Variants in IQCJ observed in about 807,000 individuals in gnomAD.
The protein encoded by IQCJ is IQ motif containing J, also known as IQ domain-containing protein J.
In IQCJ, 9 loss-of-function variants were observed where a neutral mutation model predicts 11.0. That is an observed-to-expected ratio of 0.82 (90% CI 0.49 to 1.43). IQCJ has a LOEUF of 1.43. Ranked by LOEUF, IQCJ falls within the 40% of genes most tolerant of loss-of-function variation. The pLI is 0.00. For synonymous variants in IQCJ, 55 were observed against 51.3 expected (o/e 1.07, Z -0.31); for missense variants, 146 against 133.2 (o/e 1.10, Z -0.47).
rs371146887 is a variant in IQCJ at position 159,089,540 on chromosome 3, G to A, written c.9+20099G>A. ...TTTCCAGCTTGGTTCCATTCTCCCC[G>A]TCACTTTCAGGTACACCAATCAGAT... On this transcript the variant is annotated intron_variant, in intron 1 of 3. Transcript: ENST00000397832. 7.3e-3 allele frequency among the ~76,000 whole-genome samples: 1,115 copies of A among 151,888 alleles called. 42 individuals carry two copies. The highest frequency in any genetic ancestry group is 0.025 in the African/African-American group (1,023 of 41,174).
intron 1 of IQCJ, among the ~76,000 whole-genome samples, chr3:159,199,134 AC>A (rs1433772817): frequency 1.4e-4 from 21 of 152,284 alleles, no homozygotes; most frequent in African/African-American, 4.6e-4. Flanking sequence ...TGGTTTTGAT[AC>A]CTTAATCTTC....
Position 159,186,143 on chromosome 3 carries a change from G to A in IQCJ, c.10-59700G>A, listed in dbSNP as rs144761604. 3.3e-5 allele frequency among the ~76,000 whole-genome samples: 5 copies of A among 152,318 alleles called. No individual in the cohort carries two copies. The East Asian group carries it at 9.6e-4, about 29-fold the overall frequency. On this transcript the variant is annotated intron_variant, in intron 1 of 3. Coordinates refer to ENST00000397832, the MANE Select transcript of IQCJ (RefSeq NM_001042706.3). ...AACAGTTAAGCAAATAAATGCTACA[G>A]TGAAGGTTGACTTAGTGAGGGATGA...
rs1715379085 is a variant in IQCJ, at chr3:159,069,375, A to AGT, written c.-54_-53dup. The AGT allele has an allele frequency of 6.3e-7, 1 of 1,585,822 alleles. No individual in the cohort carries two copies. Among genetic ancestry groups the AGT allele is most frequent in the Admixed American group, 1.9e-5 (1 of 53,624 alleles). On this transcript the variant is annotated 5_prime_UTR_variant, in exon 1 of 4. Transcript: ENST00000397832. Reference sequence around the variant, plus strand: ...TGCGCTCTGTGATTCTGAGGAATACAGTGTGCCAGCATCCGATCCAGTCTC... The same window carrying AGT: ...TGCGCTCTGTGATTCTGAGGAATACAGTGTGTGCCAGCATCCGATCCAGTCTC...
intron 1 of IQCJ, among the ~76,000 whole-genome samples, chr3:159,219,422 C>T (rs760146327): frequency 1.3e-5 from 2 of 152,104 alleles, no homozygotes; most frequent in African/African-American, 2.4e-5. Context: ...AAGTTACTGG[C>T]CGCCTTCTCT....
intron 1 of IQCJ, among the ~76,000 whole-genome samples, chr3:159,142,989 C>T (rs974886383): frequency 2.2e-4 from 33 of 152,036 alleles, no homozygotes; most frequent in Admixed American, 1.8e-3. Context: ...TTATCATGCC[C>T]AAAATAATTT....
intron 1 of IQCJ, among the ~76,000 whole-genome samples, chr3:159,077,619 T>C (rs1716010961): frequency 6.6e-6 from 1 of 152,130 alleles, no homozygotes; most frequent in African/African-American, 2.4e-5. Flanking sequence ...TGAATGATAC[T>C]GTGTTAAAAA....
At chr3:159,227,607 G>A (rs1725933160) in intron 1 of IQCJ, among the ~76,000 whole-genome samples, 1 of 152,156 alleles carries the variant, frequency 6.6e-6, no homozygotes, top group South Asian at 2.1e-4. Context: ...AGCCAGGTCT[G>A]GAATGGACTC....
At chr3:159,228,187 G>A (rs1337925259) in intron 1 of IQCJ, among the ~76,000 whole-genome samples, 1 of 152,170 alleles carries the variant, frequency 6.6e-6, no homozygotes, top group East Asian at 1.9e-4. Context: ...TGAGCACATA[G>A]AGATTACATG....
At chr3:159,238,742 C>G (rs2108173991) in intron 1 of IQCJ, among the ~76,000 whole-genome samples, 1 of 152,250 alleles carries the variant, frequency 6.6e-6, no homozygotes, top group East Asian at 1.9e-4. Flanking sequence ...TGGTGTGGAT[C>G]AGTAGAAGAG....
At chr3:159,077,817 T>G (rs1299127837) in intron 1 of IQCJ, among the ~76,000 whole-genome samples, 1 of 152,144 alleles carries the variant, frequency 6.6e-6, no homozygotes. Context: ...AAAAAAGTTA[T>G]TTTTAAAAAT....
chr3:159,225,687 C>G (rs1403099591), intron 1 of IQCJ, among the ~76,000 whole-genome samples: 1 of 152,032 alleles, frequency 6.6e-6, no homozygotes, highest in Admixed American at 6.6e-5. Flanking sequence ...AAGAAATTCT[C>G]CAGTTCTCTG....
Position 159,072,186 on chromosome 3 carries a change from G to GT in IQCJ, c.9+2751dup, listed in dbSNP as rs1258407622. Among the ~76,000 whole-genome samples the GT allele has an allele frequency of 7.9e-5, 12 of 152,062 alleles. No individual in the cohort carries two copies. The East Asian group carries it at 2.1e-3, about 27-fold the overall frequency. On this transcript the variant is annotated intron_variant, in intron 1 of 3. Coordinates refer to ENST00000397832, the MANE Select transcript of IQCJ (RefSeq NM_001042706.3). ...GTTTGAGAATTGCATTGGATTTTTT[G>GT]TTTTTTGTACTACTTAGTTTCAAAA...
rs553616977 is a variant in IQCJ at position 159,261,645 on chromosome 3, C to T, written c.156-903C>T. On this transcript the variant is annotated intron_variant, in intron 3 of 3. Transcript: ENST00000397832. ...CATGCAGAACTGTGAGTCAATTAAA[C>T]CTCTTTTCTTAATAAATTACCCAGT... Among the ~76,000 whole-genome samples, 4 of 152,302 alleles carry T rather than the reference C, an allele frequency of 2.6e-5. No homozygotes were observed. The South Asian group carries it at 8.3e-4, about 32-fold the overall frequency.
chr3:159,219,443 A>C (rs1725415368), intron 1 of IQCJ, among the ~76,000 whole-genome samples: 1 of 152,158 alleles, frequency 6.6e-6, no homozygotes, highest in African/African-American at 2.4e-5. Flanking sequence ...ATATGGGGAT[A>C]CTTTAGCGTC....
chr3:159,159,502 T>G (rs1216631867), intron 1 of IQCJ, among the ~76,000 whole-genome samples: 1 of 152,198 alleles, frequency 6.6e-6, no homozygotes, highest in Non-Finnish European at 1.5e-5. Context: ...TTATTTTATG[T>G]GTTGATAAAT....
At chr3:159,202,177 C>T (rs1286186768) in intron 1 of IQCJ, among the ~76,000 whole-genome samples, 1 of 152,236 alleles carries the variant, frequency 6.6e-6, no homozygotes, top group East Asian at 1.9e-4. Flanking sequence ...TCTCAAAGAT[C>T]CATTTGTAAC....
chr3:159,152,957 A>G (rs923988865), intron 1 of IQCJ, among the ~76,000 whole-genome samples: 3 of 152,204 alleles, frequency 2.0e-5, no homozygotes, highest in African/African-American at 7.2e-5. Flanking sequence ...TTTTGCACAA[A>G]GGCAAATGTC....
intron 1 of IQCJ, among the ~76,000 whole-genome samples, chr3:159,076,526 T>C (rs914119547): frequency 7.8e-4 from 118 of 152,224 alleles, no homozygotes; most frequent in African/African-American, 2.5e-3. Flanking sequence ...ATGAATATTA[T>C]GACAACTAGT....
intron 1 of IQCJ, among the ~76,000 whole-genome samples, chr3:159,237,896 A>T (rs2108171760): frequency 6.6e-6 from 1 of 152,306 alleles, no homozygotes; most frequent in East Asian, 1.9e-4. Context: ...AAGAATTGCA[A>T]AGACAGGGCA....
Sources: allele counts gnomAD v4.1 joint callset (sites outside exome capture counted in the v4.1 genomes callset), GRCh38; gene constraint gnomAD v4.1.1; transcripts MANE v1.5; gene names NCBI Gene and HGNC (gene_info 2026-07-23, HGNC 2026-07-21).